The following SLC17A1 variants were observed in gnomAD, a reference collection of about 807,000 sequenced individuals.
SLC17A1 encodes sodium-dependent phosphate transport protein 1.
SLC17A1 carries 51 observed loss-of-function variants against 53.5 expected under a neutral mutation model. The ratio of observed to expected loss-of-function variants is 0.95; its 90% CI spans 0.76 to 1.20. The LOEUF is 1.20. Ranked by LOEUF, SLC17A1 falls within the 50% of genes most tolerant of loss-of-function variation. The pLI, the probability that SLC17A1 is intolerant of heterozygous loss-of-function variation, is 0.00. For missense variants in SLC17A1, 538 were observed against 568.2 expected (o/e 0.95, Z 0.54); for synonymous variants, 179 against 198.8 (o/e 0.90, Z 0.84).
the SLC17A1 span, among the ~76,000 whole-genome samples, chr6:25,745,917 C>A: frequency 1.3e-5 from 2 of 152,164 alleles, no homozygotes; most frequent in Non-Finnish European, 2.9e-5. Flanking sequence ...AGCCAACGAT[C>A]CTGATAGGCT....
the SLC17A1 span, among the ~76,000 whole-genome samples, chr6:25,771,595 T>C: frequency 6.6e-6 from 1 of 151,436 alleles, no homozygotes; most frequent in African/African-American, 2.4e-5. Context: ...AAAAAGAAAA[T>C]GTTATTTTAG....
chr6:25,726,727 G>A, the SLC17A1 span: 1 of 1,053,728 alleles, frequency 9.5e-7, no homozygotes, highest in East Asian at 2.4e-5. Context: ...ACCGAACGCG[G>A]CGTTTGAGGG....
chr6:25,729,740 A>ATTTT, the SLC17A1 span, among the ~76,000 whole-genome samples: 2 of 150,066 alleles, frequency 1.3e-5, no homozygotes, highest in East Asian at 3.9e-4. Context: ...CTTTCCGTGC[A>ATTTT]TTTTTTTTTA....
At chr6:25,778,198 G>A (rs555536841), downstream of SLC17A1, among the ~76,000 whole-genome samples, 2 of 151,838 alleles carry the variant, frequency 1.3e-5, no homozygotes, top group Admixed American at 6.6e-5. Context: ...AATCTTACTG[G>A]TATAAACTTT....
intron 11 of SLC17A1, among the ~76,000 whole-genome samples, chr6:25,800,607 G>A (rs1264339971): frequency 6.6e-6 from 1 of 151,952 alleles, no homozygotes; most frequent in South Asian, 2.1e-4. Flanking sequence ...TACCTGTGTT[G>A]ATCAATCCAC....
At chr6:25,774,863 G>A in the SLC17A1 span, among the ~76,000 whole-genome samples, 3 of 152,176 alleles carry the variant, frequency 2.0e-5, no homozygotes, top group Admixed American at 6.5e-5. Context: ...TGACAGCCTC[G>A]GCTTACGCAT....
intron 11 of SLC17A1, 47 bp downstream of exon 11, chr6:25,800,843 A>G (rs750827664): frequency 1.5e-5 from 18 of 1,190,982 alleles, no homozygotes; most frequent in Middle Eastern, 1.9e-4. Flanking sequence ...ATCTTTCTCT[A>G]TACAATTAAT....
chr6:25,775,858 C>G, the SLC17A1 span, among the ~76,000 whole-genome samples: 3 of 152,144 alleles, frequency 2.0e-5, no homozygotes, highest in Non-Finnish European at 4.4e-5. Context: ...TGCTTATATA[C>G]TAGGTTTTTG....
At chr6:25,795,743 ACACACC>A (rs11279697) in intron 12 of SLC17A1, among the ~76,000 whole-genome samples, 99,607 of 150,990 alleles carry the variant, frequency 0.66, 34,555 homozygotes, top group African/African-American at 0.87. Flanking sequence ...TAAAATAAGC[ACACACC>A]CACACCCACA....
chr6:25,775,141 C>T, the SLC17A1 span, among the ~76,000 whole-genome samples: 1 of 151,950 alleles, frequency 6.6e-6, no homozygotes, highest in African/African-American at 2.4e-5. Context: ...ACCAGCCTGG[C>T]CAACATGGTG....
chr6:25,757,209 G>C, the SLC17A1 span, among the ~76,000 whole-genome samples: 1 of 152,122 alleles, frequency 6.6e-6, no homozygotes, highest in Non-Finnish European at 1.5e-5. Flanking sequence ...TTAGTGGTAC[G>C]TTACATAACA....
At chr6:25,769,561 A>C in the SLC17A1 span, among the ~76,000 whole-genome samples, 44,757 of 147,738 alleles carry the variant, frequency 0.3, 7,995 homozygotes, top group South Asian at 0.43. Context: ...CTGTCTTAAA[A>C]AAAAAAAAAA....
the SLC17A1 span, chr6:25,768,474 C>A: frequency 1.4e-6 from 1 of 694,392 alleles, no homozygotes; most frequent in Non-Finnish European, 1.8e-6. Context: ...AGTTTAAATA[C>A]TTCTATGATC....
chr6:25,818,960 T>C lies in SLC17A1; in HGVS notation c.616+108A>G, dbSNP rs930772762. 7.1e-5 allele frequency: 51 copies of C among 718,518 alleles called. No homozygotes were observed. The Middle Eastern group carries it at 1.6e-3, about 23-fold the overall frequency. 44.5% of individuals were successfully genotyped at this position (718,518 alleles called of 1,614,324 possible). A position where few individuals can be genotyped will look rare whatever the true frequency, so the allele number is the denominator to read the frequency against. The stretch of plus-strand genomic sequence containing the variant: ...TCTCTCTTTCACTCAGTGGAGTTCA[T>C]GATTTTTAATATTAACTTTATATGA... On this transcript the variant is annotated intron_variant, in intron 6 of 12. Transcript: ENST00000244527.
the SLC17A1 span, chr6:25,761,941 T>G: frequency 1.9e-6 from 3 of 1,596,906 alleles, no homozygotes; most frequent in East Asian, 6.7e-5. Context: ...TAAATGCCAG[T>G]CCCTAGGAAG....
the SLC17A1 span, chr6:25,770,201 C>A: frequency 1.2e-6 from 2 of 1,614,088 alleles, no homozygotes; most frequent in Non-Finnish European, 1.7e-6. Context: ...TTGGTGCTGG[C>A]TTGTTTATTT....
At chr6:25,823,022 A>G (rs1412999294) in intron 3 of SLC17A1, among the ~76,000 whole-genome samples, 1 of 151,850 alleles carries the variant, frequency 6.6e-6, no homozygotes, top group Non-Finnish European at 1.5e-5. Context: ...TTCATTTTCT[A>G]GAAGTTTTAT....
chr6:25,777,903 A>T, the SLC17A1 span: 337 of 1,592,672 alleles, frequency 2.1e-4, no homozygotes, highest in African/African-American at 3.0e-3. Context: ...TGGTTATAAT[A>T]GAGTACCATC....
chr6:25,801,059 A>T (rs1280779020), intron 10 of SLC17A1, 79 bp from the exon 11 acceptor site: 2 of 808,206 alleles, frequency 2.5e-6, no homozygotes, highest in South Asian at 3.1e-5. Context: ...AATGAAATTT[A>T]AGAGAGATAA....
Sources: allele counts gnomAD v4.1 joint callset (sites outside exome capture counted in the v4.1 genomes callset), GRCh38; gene constraint gnomAD v4.1.1; transcripts MANE v1.5; gene names NCBI Gene and HGNC (gene_info 2026-07-23, HGNC 2026-07-21).